Variants in EPS15L1 observed in about 807,000 individuals in gnomAD.
EPS15L1 encodes epidermal growth factor receptor substrate 15-like 1.
Under a neutral mutation model 117.1 loss-of-function variants are expected in EPS15L1, and 43 were observed. That is an observed-to-expected ratio of 0.37 (90% CI 0.29 to 0.47). The LOEUF (loss-of-function observed/expected upper bound fraction) is 0.47, where lower values mean the gene tolerates loss of function less well. Ranked by LOEUF, EPS15L1 falls within the 20% of genes least tolerant of loss-of-function variation. The probability of loss-of-function intolerance (pLI) is 0.99; values close to 1 mark genes in which losing one functional copy is unlikely to be tolerated. For missense variants in EPS15L1, 981 were observed against 1,164.0 expected (o/e 0.84, Z 2.29); for synonymous variants, 459 against 470.5 (o/e 0.98, Z 0.32).
intron 13 of EPS15L1, chr19:16,413,072 G>A (rs910021870): frequency 2.6e-5 from 18 of 702,516 alleles, no homozygotes; most frequent in African/African-American, 1.0e-4. Flanking sequence ...GGTTCAAGGC[G>A]TTTGTTGCTA....
chr19:16,437,919 G>T, intron 4 of EPS15L1, 54 bp from the exon 5 acceptor site: 1 of 1,388,478 alleles, frequency 7.2e-7, no homozygotes, highest in Non-Finnish European at 1.0e-6. Context: ...GTGAGGGTAG[G>T]GGGAGCTGTC....
At chr19:16,418,370 G>A (rs1234503483) in intron 10 of EPS15L1, among the ~76,000 whole-genome samples, 1 of 152,166 alleles carries the variant, frequency 6.6e-6, no homozygotes, top group Non-Finnish European at 1.5e-5. Flanking sequence ...CGACCCCCTG[G>A]GAAAACCTCA....
chr19:16,401,829 C>A, intron 16 of EPS15L1: 1 of 986,764 alleles, frequency 1.0e-6, no homozygotes, highest in Non-Finnish European at 1.2e-6. Context: ...AAGAGCAACA[C>A]CCTGGGGCGC....
At position 16,436,985 on chromosome 19, in the gene EPS15L1, G is replaced by C; in HGVS notation, c.324C>G (p.Ser108Arg). The C allele has an allele frequency of 6.2e-7, 1 of 1,613,940 alleles. No individual in the cohort carries two copies. The highest frequency in any genetic ancestry group is 8.5e-7 in the Non-Finnish European group (1 of 1,179,830). Residue 108 changes from serine (S) to arginine (R), a missense_variant, in exon 6 of 24, where the codon AGC becomes AGG. Ser to Arg is a moderately radical substitution (Grantham distance 110). Coordinates refer to ENST00000455140, the MANE Select transcript of EPS15L1 (RefSeq NM_001258374.3). ...CAGAGGGCGGTGTGACCATCAGAGG[G>C]CTGCTGGTGTCGTGCTGAGAAGAGA... ...MPPPKFHDTS[S>R]PLMVTPPSAE... is the part of the protein sequence containing the mutation.
intron 9 of EPS15L1, among the ~76,000 whole-genome samples, chr19:16,421,934 G>A (rs1209551718): frequency 6.6e-6 from 1 of 152,174 alleles, no homozygotes; most frequent in Non-Finnish European, 1.5e-5. Context: ...AAAGTGTCCT[G>A]TCCCAGGACT....
chr19:16,355,421 G>GT lies in EPS15L1; in HGVS notation c.*283dup, dbSNP rs1300592957. ...TGCTTCCTCTCCTCGACTGACCGCT[G>GT]TGTGTTCGTCCCCAGAGGAAGAGCG... On this transcript the variant is annotated 3_prime_UTR_variant, in exon 24 of 24. Transcript: ENST00000455140. 1 of 406,028 alleles carries GT rather than the reference G, an allele frequency of 2.5e-6. No individual in the cohort carries two copies. Among genetic ancestry groups the GT allele is most frequent in the Non-Finnish European group, 4.5e-6 (1 of 224,264 alleles). The allele number at this position is 406,028 out of a possible 1,614,324, so 25.2% of individuals were successfully genotyped here.
At chr19:16,461,626 AAAAG>A (rs199970409) in intron 1 of EPS15L1, among the ~76,000 whole-genome samples, 10 of 151,928 alleles carry the variant, frequency 6.6e-5, no homozygotes, top group South Asian at 2.1e-4. Context: ...TGTCTCAAAA[AAAAG>A]AAAGAAAGAA....
chr19:16,384,624 C>T (rs79707488), intron 21 of EPS15L1, among the ~76,000 whole-genome samples: 1,761 of 152,298 alleles, frequency 0.012, 33 homozygotes, highest in African/African-American at 0.041. Flanking sequence ...TAACCAGCCT[C>T]GCTGCTGTCC....
intron 12 of EPS15L1, 166 bp downstream of exon 12, chr19:16,417,386 C>G: frequency 1.6e-6 from 1 of 626,986 alleles, no homozygotes; most frequent in Non-Finnish European, 2.9e-6. Context: ...TGTCATTCTT[C>G]AAGCCCCTTG....
intron 4 of EPS15L1, among the ~76,000 whole-genome samples, 181 bp from the exon 5 acceptor site, chr19:16,438,046 G>T (rs1439100697): frequency 6.6e-6 from 1 of 152,182 alleles, no homozygotes; most frequent in African/African-American, 2.4e-5. Context: ...TCGCTTAAAT[G>T]AATACACTAA....
intron 23 of EPS15L1, among the ~76,000 whole-genome samples, chr19:16,360,944 A>G (rs1180238674): frequency 2.0e-5 from 3 of 152,200 alleles, no homozygotes; most frequent in African/African-American, 7.2e-5. Flanking sequence ...AGCCCAAAGG[A>G]AGAAAGCGAG....
rs928029603 is a variant in EPS15L1 at position 16,471,931 on chromosome 19, G to A, written c.15C>T (p.Leu5=). The A allele has an allele frequency of 7.7e-7, 1 of 1,293,490 alleles. No homozygotes were observed. Among genetic ancestry groups the A allele is most frequent in the Non-Finnish European group, 9.8e-7 (1 of 1,021,960 alleles). 80.1% of individuals were successfully genotyped at this position (1,293,490 alleles called of 1,614,324 possible). A position where few individuals can be genotyped will look rare whatever the true frequency, so the allele number is the denominator to read the frequency against. The change falls in exon 1 of 24, where the codon CTC becomes CTT. Residue 5 remains leucine (L), a synonymous_variant. Coordinates refer to ENST00000455140, the MANE Select transcript of EPS15L1 (RefSeq NM_001258374.3). This position sits in a 1 kb window ranked among gnomAD's most constrained non-coding sequence, Gnocchi z 4.8. MAAP[L]IPLSQQIPTG... ...CCCGTACCTGCTGGGAGAGGGGGAT[G>A]AGCGGCGCCGCCATCTTCCCGCGGA... is the stretch of plus-strand genomic sequence containing the variant.
In EPS15L1 at chr19:16,421,471, T is replaced by G. The variant is rs373122107; in HGVS notation, c.798A>C (p.Thr266=). ...PKHSLKQTQP[T]VNWVVPVADK... is the part of the protein sequence containing the mutation. Reference sequence around the variant, plus strand: ...CTGCCACGGGCACCACCCAGTTCACTGTTGGCTGAAACAGTTTTTGGCAAA... The same window carrying G: ...CTGCCACGGGCACCACCCAGTTCACGGTTGGCTGAAACAGTTTTTGGCAAA... Residue 266 remains threonine, a synonymous_variant, in exon 10 of 24, where the codon ACA becomes ACC. Transcript: ENST00000455140. 3 of 1,610,350 alleles carry G rather than the reference T, an allele frequency of 1.9e-6. No individual in the cohort carries two copies. The highest frequency in any genetic ancestry group is 2.7e-5 in the African/African-American group (2 of 74,882).
In EPS15L1 at chr19:16,381,008, C is replaced by G. The variant is rs2092356228; in HGVS notation, c.2248-3754G>C. ...ACAGGGAGGTGGCCCCTCTAAGAGG[C>G]AGCCTACCCATTCCAGGTCCCCCCG... On this transcript the variant is annotated intron_variant, in intron 21 of 23. Coordinates refer to ENST00000455140, the MANE Select transcript of EPS15L1 (RefSeq NM_001258374.3). This position sits in a 1 kb window ranked among gnomAD's most constrained non-coding sequence, Gnocchi z 4.2. 6.6e-6 allele frequency among the ~76,000 whole-genome samples: 1 copy of G among 152,232 alleles called. No individual in the cohort carries two copies. The highest frequency in any genetic ancestry group is 6.5e-5 in the Admixed American group (1 of 15,290).
chr19:16,468,821 A>G (rs2093325168), intron 1 of EPS15L1, among the ~76,000 whole-genome samples: 1 of 152,212 alleles, frequency 6.6e-6, no homozygotes, highest in Non-Finnish European at 1.5e-5. Flanking sequence ...AGACCTGCCT[A>G]GGCAGCATAG....
At chr19:16,374,380 G>A (rs1485482684) in intron 22 of EPS15L1, among the ~76,000 whole-genome samples, 3 of 152,180 alleles carry the variant, frequency 2.0e-5, no homozygotes, top group Non-Finnish European at 4.4e-5. Context: ...CCTGTGCCAC[G>A]AGTAAAGGAG....
intron 5 of EPS15L1, 24 bp from the exon 6 acceptor site, chr19:16,437,023 T>C: frequency 6.2e-7 from 1 of 1,609,078 alleles, no homozygotes; most frequent in Non-Finnish European, 8.5e-7. Flanking sequence ...GAAACATTCC[T>C]TTGTGGCTGG....
At chr19:16,406,638 CCCATGGATCCAGGACACTAGGGGCT>C (rs1197411618) in intron 13 of EPS15L1, among the ~76,000 whole-genome samples, 1 of 152,248 alleles carries the variant, frequency 6.6e-6, no homozygotes, top group African/African-American at 2.4e-5. Flanking sequence ...CAGGCCACGG[CCCATGGATCCAGGACACTAGGGGCT>C]CCAACACCTT....
intron 8 of EPS15L1, among the ~76,000 whole-genome samples, chr19:16,426,747 G>T (rs1262277493): frequency 6.6e-6 from 1 of 152,162 alleles, no homozygotes; most frequent in African/African-American, 2.4e-5. Context: ...AAGACAACAG[G>T]ATGTAACACA....
Sources: allele counts gnomAD v4.1 joint callset (sites outside exome capture counted in the v4.1 genomes callset), GRCh38; gene constraint gnomAD v4.1.1; non-coding constraint Gnocchi (gnomAD v3.1); transcripts MANE v1.5; gene names NCBI Gene and HGNC (gene_info 2026-07-23, HGNC 2026-07-21).